The following ZNF43 variants were observed in gnomAD, a reference collection of about 807,000 sequenced individuals.
ZNF43 encodes zinc finger protein 39-like 1 (KOX 27).
In ZNF43, 44 loss-of-function variants were observed where a neutral mutation model predicts 68.4. The ratio of observed to expected loss-of-function variants is 0.64; its 90% CI spans 0.51 to 0.83. ZNF43 has a LOEUF of 0.83. Among genes scored for constraint, ZNF43 ranks in the 40% least tolerant of loss-of-function variants. ZNF43 has a pLI of 0.00. For missense variants in ZNF43, 896 were observed against 933.2 expected (o/e 0.96, Z 0.52); for synonymous variants, 308 against 307.8 (o/e 1.00, Z -0.01).
chr19:21,838,247 A>T (rs1011569459), upstream of ZNF43, among the ~76,000 whole-genome samples: 2 of 152,100 alleles, frequency 1.3e-5, no homozygotes, highest in Non-Finnish European at 1.5e-5. Flanking sequence ...TCTCAACTTG[A>T]CTTTTCTAGT....
chr19:21,824,681 G>C (rs1001978029), intron 1 of ZNF43, among the ~76,000 whole-genome samples: 1 of 132,468 alleles, frequency 7.5e-6, no homozygotes, highest in African/African-American at 2.9e-5. Flanking sequence ...ACAATCAAAA[G>C]AGATCCCCTC....
At chr19:21,850,345 G>C (rs1384182087) in intron 1 of ZNF43, among the ~76,000 whole-genome samples, 1 of 150,872 alleles carries the variant, frequency 6.6e-6, no homozygotes, top group Admixed American at 6.6e-5. Flanking sequence ...GGTGGATCAC[G>C]AGGTCAGGAG....
intron 1 of ZNF43, chr19:21,843,189 G>C (rs1967659129): frequency 6.0e-6 from 1 of 166,740 alleles, no homozygotes; most frequent in Non-Finnish European, 1.2e-5. Context: ...CTCTGCGACA[G>C]CACCAAGGCA....
At chr19:21,849,534 G>T (rs1479041821) in intron 1 of ZNF43, among the ~76,000 whole-genome samples, 1 of 147,912 alleles carries the variant, frequency 6.8e-6, no homozygotes, top group Admixed American at 6.8e-5. Flanking sequence ...TCTCAGTTGG[G>T]CATGGTAGCT....
chr19:21,836,169 C>A lies in ZNF43; in HGVS notation c.-131G>T. 3.2e-6 allele frequency: 5 copies of A among 1,555,368 alleles called. No individual in the cohort carries two copies. The highest frequency in any genetic ancestry group is 4.3e-6 in the Non-Finnish European group (5 of 1,149,688). ...ACGAAGACGAGACGCAGAGCTCCAA[C>A]TGCAGCCAGAGACAAAGGCCCCGCC... On this transcript the variant is annotated 5_prime_UTR_variant, in exon 1 of 4. Transcript: ENST00000354959.
chr19:21,812,048 C>T (rs973890097), intron 3 of ZNF43: 1 of 398,328 alleles, frequency 2.5e-6, no homozygotes, highest in Non-Finnish European at 4.4e-6. Flanking sequence ...AATAGAGAGA[C>T]AATGCCTCCT....
chr19:21,836,274 C>T (rs1168476063), upstream of ZNF43: 2 of 1,338,242 alleles, frequency 1.5e-6, no homozygotes, highest in Non-Finnish European at 9.7e-7. Context: ...GATTGGATAA[C>T]TTCTAAGGTC....
chr19:21,846,255 T>TGTC (rs1967947594), intron 1 of ZNF43, among the ~76,000 whole-genome samples: 1 of 152,156 alleles, frequency 6.6e-6, no homozygotes, highest in South Asian at 2.1e-4. Context: ...AAGCGATATC[T>TGTC]CACATTTCTT....
chr19:21,826,164 T>C (rs774741072), intron 1 of ZNF43, among the ~76,000 whole-genome samples: 21 of 152,150 alleles, frequency 1.4e-4, no homozygotes, highest in Non-Finnish European at 2.4e-4. Flanking sequence ...ATATACCAAA[T>C]AGGCAAAAAA....
upstream of ZNF43, among the ~76,000 whole-genome samples, chr19:21,838,611 G>T (rs910731322): frequency 1.3e-5 from 2 of 152,068 alleles, no homozygotes; most frequent in Non-Finnish European, 2.9e-5. Context: ...TGTTGGCCAG[G>T]CTGGTCTCAA....
intron 1 of ZNF43, among the ~76,000 whole-genome samples, chr19:21,821,493 A>C (rs1181038477): frequency 6.6e-6 from 1 of 152,058 alleles, no homozygotes; most frequent in South Asian, 2.1e-4. Context: ...TTAAACAAGC[A>C]TTTTCTGAAT....
intron 1 of ZNF43, among the ~76,000 whole-genome samples, chr19:21,828,162 A>G (rs1405770594): frequency 6.6e-6 from 1 of 152,236 alleles, no homozygotes; most frequent in Admixed American, 6.5e-5. Flanking sequence ...TATTAGATAT[A>G]AATATCTAAG....
At chr19:21,811,740 G>A (rs1408805003) in intron 3 of ZNF43, among the ~76,000 whole-genome samples, 1 of 152,108 alleles carries the variant, frequency 6.6e-6, no homozygotes, top group Non-Finnish European at 1.5e-5. Flanking sequence ...CTACAAAGTT[G>A]CCATGAGGAA....
At chr19:21,820,878 G>A (rs1378397167) in intron 1 of ZNF43, among the ~76,000 whole-genome samples, 1 of 144,246 alleles carries the variant, frequency 6.9e-6, no homozygotes, top group East Asian at 2.1e-4. Context: ...TTGTTGCCCA[G>A]GCTGAAGTGC....
At chr19:21,824,846 T>C (rs2038037520) in intron 1 of ZNF43, among the ~76,000 whole-genome samples, 1 of 152,090 alleles carries the variant, frequency 6.6e-6, no homozygotes, top group Non-Finnish European at 1.5e-5. Context: ...GGAGCAATGA[T>C]TCAAGTTGTC....
At chr19:21,851,613 C>A (rs1313781906) in intron 1 of ZNF43, among the ~76,000 whole-genome samples, 3 of 151,892 alleles carry the variant, frequency 2.0e-5, no homozygotes, top group African/African-American at 7.3e-5. Context: ...CCTGCGCACA[C>A]ACCGAGTCGG....
chr19:21,847,649 A>G (rs1968050896), intron 1 of ZNF43, among the ~76,000 whole-genome samples: 1 of 151,908 alleles, frequency 6.6e-6, no homozygotes, highest in Non-Finnish European at 1.5e-5. Flanking sequence ...GTAAGCCAAG[A>G]TCACAACATT....
In ZNF43 at chr19:21,807,597, C is replaced by G. The variant is rs770541572; in HGVS notation, c.*10G>C. 6.6e-7 allele frequency: 1 copy of G among 1,521,496 alleles called. No homozygotes were observed. Among genetic ancestry groups the G allele is most frequent in the East Asian group, 2.3e-5 (1 of 44,114 alleles). The allele number at this position is 1,521,496 out of a possible 1,614,324, so 94.2% of individuals were successfully genotyped here. ...TTCTTTACATTTCTAGAATTTCTCA[C>G]CAGTATAATTTATTTTATGTTTGAA... On this transcript the variant is annotated 3_prime_UTR_variant, in exon 4 of 4. Transcript: ENST00000354959.
intron 1 of ZNF43, among the ~76,000 whole-genome samples, chr19:21,821,326 T>G (rs546779403): frequency 6.6e-6 from 1 of 152,002 alleles, no homozygotes; most frequent in East Asian, 1.9e-4. Context: ...TTTTGTATTT[T>G]TTTTCGTAGA....
Sources: gnomAD v4.1 joint callset for allele counts (sites outside exome capture counted in the v4.1 genomes callset) on GRCh38, gnomAD v4.1.1 for gene constraint, MANE v1.5 for transcripts, NCBI Gene and HGNC (gene_info 2026-07-23, HGNC 2026-07-21) for gene names.